The following MYT1L variants were observed in gnomAD, a reference collection of about 807,000 sequenced individuals.
The protein encoded by MYT1L is myelin transcription factor 1 like.
Under a neutral mutation model 126.7 loss-of-function variants are expected in MYT1L, and 12 were observed. That is an observed-to-expected ratio of 0.09 (90% confidence interval 0.06 to 0.15). MYT1L has a LOEUF of 0.15. Ranked by LOEUF, MYT1L falls within the 10% of genes least tolerant of loss-of-function variation. The pLI, the probability that MYT1L is intolerant of heterozygous loss-of-function variation, is 1.00. For missense variants in MYT1L, 979 were observed against 1,585.2 expected, an observed-to-expected ratio of 0.62 and a Z score of 6.49; for synonymous variants, 541 against 604.2, an observed-to-expected ratio of 0.90 and a Z score of 1.53.
intron 3 of MYT1L, among the ~76,000 whole-genome samples, chr2:2,167,790 T>C (rs2089400613): frequency 6.6e-6 from 1 of 152,206 alleles, no homozygotes; most frequent in Admixed American, 6.5e-5. Context: ...TGCAGCTCCT[T>C]CTCCAGGTGT....
At chr2:2,042,986 C>T (rs2067725151) in intron 4 of MYT1L, among the ~76,000 whole-genome samples, 1 of 152,192 alleles carries the variant, frequency 6.6e-6, no homozygotes. Context: ...CACGTGTGCT[C>T]TTGGACTCTG....
At chr2:1,949,275 G>A (rs914098653) in intron 8 of MYT1L, among the ~76,000 whole-genome samples, 5 of 152,284 alleles carry the variant, frequency 3.3e-5, no homozygotes, top group East Asian at 1.9e-4. Flanking sequence ...AAAGGCAAAC[G>A]CATGCTGGAT....
chr2:2,090,949 T>C (rs1575101327), intron 3 of MYT1L, among the ~76,000 whole-genome samples: 1 of 152,368 alleles, frequency 6.6e-6, no homozygotes, highest in East Asian at 1.9e-4. Context: ...CAGTCGCATC[T>C]TTAAACTCCA....
At chr2:2,304,164 A>G (rs1398401332) in intron 1 of MYT1L, 8 of 152,262 alleles carry the variant, frequency 5.3e-5, no homozygotes, top group Admixed American at 5.2e-4. Flanking sequence ...CCGTCTAAAA[A>G]TTAAACAAGT....
intron 8 of MYT1L, among the ~76,000 whole-genome samples, chr2:1,970,328 A>C (rs2059713191): frequency 6.6e-6 from 1 of 152,138 alleles, no homozygotes; most frequent in South Asian, 2.1e-4. Context: ...CTCCAGAAGT[A>C]TTTGCCGTGA....
At chr2:2,037,079 T>C (rs1407925049) in intron 4 of MYT1L, among the ~76,000 whole-genome samples, 1 of 152,238 alleles carries the variant, frequency 6.6e-6, no homozygotes, top group Admixed American at 6.5e-5. Context: ...GGCTGACTCC[T>C]TTACTTTAAG....
chr2:1,922,798 A>G lies in MYT1L; in HGVS notation c.971T>C (p.Leu324Pro). The change falls in exon 10 of 25, where the codon CTG becomes CCG. Residue 324 changes from leucine to proline, a missense_variant. Physicochemically the swap from Leu to Pro is moderately conservative, Grantham distance 98. This residue lies in a region of MYT1L where 243 missense variants were observed against 363.9 expected (regional missense o/e 0.67). Transcript: ENST00000647738. The surrounding 1 kb of genome is among the most constrained non-coding windows in gnomAD (Gnocchi z 7.4). The stretch of plus-strand genomic sequence containing the variant: ...ATTCCTCAAACACTCCAGACTGCTC[A>G]GACACACCTCCTCATCGCTCTCCTC... Reference protein sequence around the residue: ...MVEESDEEVCLSSLECLRNQC... With the variant: ...MVEESDEEVCPSSLECLRNQC... The G allele has an allele frequency of 6.2e-7, 1 of 1,613,978 alleles. No individual in the cohort carries two copies. Among genetic ancestry groups the G allele is most frequent in the Non-Finnish European group, 8.5e-7 (1 of 1,179,892 alleles).
At chr2:1,894,327 C>T (rs923915067) in intron 14 of MYT1L, among the ~76,000 whole-genome samples, 2 of 152,126 alleles carry the variant, frequency 1.3e-5, no homozygotes, top group East Asian at 1.9e-4. Flanking sequence ...GAGAGACCAC[C>T]GTGGGGCTGC....
chr2:2,123,158 A>C (rs1221199996), intron 3 of MYT1L, among the ~76,000 whole-genome samples: 3 of 152,122 alleles, frequency 2.0e-5, no homozygotes, highest in Non-Finnish European at 4.4e-5. Flanking sequence ...CTGAAGGCTC[A>C]GGCTATGTTG....
intron 3 of MYT1L, among the ~76,000 whole-genome samples, chr2:2,121,025 C>T (rs1358928558): frequency 6.6e-6 from 1 of 152,150 alleles, no homozygotes; most frequent in East Asian, 1.9e-4. Flanking sequence ...GAACCAGCGC[C>T]CACAGACCCT....
intron 3 of MYT1L, among the ~76,000 whole-genome samples, chr2:2,135,298 G>C (rs1432617457): frequency 6.6e-6 from 1 of 152,002 alleles, no homozygotes; most frequent in East Asian, 1.9e-4. Context: ...TTTATAAAGG[G>C]GATTTTCCCT....
intron 1 of MYT1L, among the ~76,000 whole-genome samples, chr2:2,301,376 A>C (rs577610670): frequency 6.0e-4 from 91 of 152,272 alleles, no homozygotes; most frequent in Middle Eastern, 3.4e-3. Flanking sequence ...GTAGGTAGAC[A>C]CATTCATTTT....
Position 1,849,359 on chromosome 2 carries a change from T to TA in MYT1L, c.2774+2281dup, listed in dbSNP as rs60985433. On this transcript the variant is annotated intron_variant, in intron 19 of 24. Transcript: ENST00000647738. ...AATTGGAGTTTTACAAATTTTTTTTTAATCTAAACCAGTGATTTAATTCTG... is the reference window on the plus strand; with the variant it reads ...AATTGGAGTTTTACAAATTTTTTTTTAAATCTAAACCAGTGATTTAATTCTG... 5.3e-5 allele frequency among the ~76,000 whole-genome samples: 8 copies of TA among 152,154 alleles called. No homozygotes were observed. In the East Asian group the frequency reaches 1.2e-3, roughly 22 times the overall value.
intron 2 of MYT1L, among the ~76,000 whole-genome samples, chr2:2,239,754 A>T (rs1039752019): frequency 1.3e-5 from 2 of 152,136 alleles, no homozygotes; most frequent in African/African-American, 4.8e-5. Flanking sequence ...AAAATAAACA[A>T]CAGGCAACAT....
chr2:1,979,538 G>A lies in MYT1L; in HGVS notation c.72C>T (p.Ala24=), dbSNP rs1208914800. 1 of 1,613,768 alleles carries A rather than the reference G, an allele frequency of 6.2e-7. No homozygotes were observed. Among genetic ancestry groups the A allele is most frequent in the African/African-American group, 1.3e-5 (1 of 75,018 alleles). The change falls in exon 7 of 25, where the codon GCC becomes GCT. Residue 24 remains alanine (A), a synonymous_variant. Transcript: ENST00000647738. This position sits in a 1 kb window ranked among gnomAD's most constrained non-coding sequence, Gnocchi z 4.0. Reference sequence around the variant, plus strand: ...GCACTAACCTGAACAGCTCTTGTATGGCTGGTTCCACGGGAACTGCAGAGA... The same window carrying A: ...GCACTAACCTGAACAGCTCTTGTATAGCTGGTTCCACGGGAACTGCAGAGA... The part of the protein sequence containing the change: ...SKGVRVPVEP[A]IQELFSCPTP...
chr2:2,009,898 G>GTTTTT (rs147372422), intron 4 of MYT1L, among the ~76,000 whole-genome samples: 43 of 114,294 alleles, frequency 3.8e-4, no homozygotes, highest in South Asian at 6.2e-4. Flanking sequence ...ACTGTTAAGA[G>GTTTTT]TTTTTTTTTT....
intron 1 of MYT1L, among the ~76,000 whole-genome samples, chr2:2,295,601 G>GAGAGAGAC (rs1559583853): frequency 1.8e-3 from 11 of 6,218 alleles, no homozygotes; most frequent in South Asian, 0.01. Context: ...GACAGAGAGA[G>GAGAGAGAC]AGACAGACAG....
intron 21 of MYT1L, among the ~76,000 whole-genome samples, chr2:1,826,679 C>T (rs570673717): frequency 2.9e-4 from 44 of 152,272 alleles, no homozygotes; most frequent in African/African-American, 9.9e-4. Context: ...CGGGTCAGTG[C>T]AGGGCCGGCG....
chr2:1,816,540 C>G (rs2037678026), intron 21 of MYT1L: 1 of 152,910 alleles, frequency 6.5e-6, no homozygotes, highest in Non-Finnish European at 1.5e-5. Flanking sequence ...GGAGGAGGTG[C>G]TGCGTGAGGA....
Sources: gnomAD v4.1 joint callset for allele counts (sites outside exome capture counted in the v4.1 genomes callset) on GRCh38, gnomAD v4.1.1 for gene constraint, gnomAD v4.1.1 regional missense constraint, Gnocchi (gnomAD v3.1) non-coding constraint, MANE v1.5 for transcripts, NCBI Gene and HGNC (gene_info 2026-07-23, HGNC 2026-07-21) for gene names.